EPHA10: variants seen among roughly 807,000 people sequenced by gnomAD.
The protein encoded by EPHA10 is EPH receptor A10, also known as ephrin type-A receptor 10.
EPHA10 carries 120 observed loss-of-function variants against 109.7 expected under a neutral mutation model. The observed-to-expected ratio is 1.09, with a 90% confidence interval of 0.94 to 1.27. The LOEUF (loss-of-function observed/expected upper bound fraction) is 1.27, where lower values mean the gene tolerates loss of function less well. Ranked by LOEUF, EPHA10 falls within the 50% of genes most tolerant of loss-of-function variation. The pLI, the probability that EPHA10 is intolerant of heterozygous loss-of-function variation, is 0.00. For missense variants in EPHA10, 1,396 were observed against 1,411.1 expected, an observed-to-expected ratio of 0.99 and a Z score of 0.17; for synonymous variants, 640 against 618.9, an observed-to-expected ratio of 1.03 and a Z score of -0.51.
At chr1:37,746,656 T>C (rs560169036) in intron 5 of EPHA10, among the ~76,000 whole-genome samples, 1 of 152,294 alleles carries the variant, frequency 6.6e-6, no homozygotes, top group Admixed American at 6.5e-5. Flanking sequence ...TAATGTATTA[T>C]GAATACATTA....
Position 37,761,873 on chromosome 1 carries a change from C to T in EPHA10, c.382G>A (p.Val128Ile), listed in dbSNP as rs776072652. 16 of 1,611,840 alleles carry T rather than the reference C, an allele frequency of 9.9e-6. No homozygotes were observed. Among genetic ancestry groups the T allele is most frequent in the South Asian group, 1.1e-5 (1 of 90,802 alleles). The stretch of plus-strand genomic sequence containing the variant: ...TCGGCCTCAGTTTCCAGGTAGTAGA[C>T]GTTGAAGGTCTCCTTGCAGGTACCC... ...AAGTCKETFN[V>I]YYLETEADLG... The change falls in exon 3 of 17, where the codon GTC (valine) becomes ATC (isoleucine). Residue 128 changes from valine to isoleucine, a missense_variant. By Grantham distance (29) the Val-to-Ile change is conservative. Coordinates refer to ENST00000373048, the MANE Select transcript of EPHA10 (RefSeq NM_001099439.2).
Position 37,753,005 on chromosome 1 carries a change from C to T in EPHA10, c.1228G>A (p.Ala410Thr). Residue 410 changes from alanine to threonine, a missense_variant, in exon 5 of 17, where the codon GCC becomes ACC. Transcript: ENST00000373048. ...CCGGGCCGCAGGTGCAGCAGCGTGGCGGCTCGCTCCCGCAGCCCTGCCTGG... is the reference window on the plus strand; with the variant it reads ...CCGGGCCGCAGGTGCAGCAGCGTGGTGGCTCGCTCCCGCAGCCCTGCCTGG... ...PRQAGLRERA[A>T]TLLHLRPGAR... 2 of 1,230,436 alleles carry T rather than the reference C, an allele frequency of 1.6e-6. No homozygotes were observed. Among genetic ancestry groups the T allele is most frequent in the Non-Finnish European group, 1.0e-6 (1 of 987,368 alleles). 76.2% of individuals were successfully genotyped at this position (1,230,436 alleles called of 1,614,324 possible).
chr1:37,747,137 T>A (rs910359770), intron 5 of EPHA10, among the ~76,000 whole-genome samples: 1 of 152,196 alleles, frequency 6.6e-6, no homozygotes, highest in Non-Finnish European at 1.5e-5. Flanking sequence ...CTTATAATAC[T>A]AACAATGTGA....
rs1004713879 is a variant in EPHA10, at chr1:37,720,655, C to T, written c.2209-101G>A. 2.6e-6 allele frequency: 4 copies of T among 1,533,322 alleles called. No individual in the cohort carries two copies. In the Admixed American group the frequency reaches 7.4e-5, roughly 28 times the overall value. The allele number at this position is 1,533,322 out of a possible 1,614,324, so 95.0% of individuals were successfully genotyped here. Reference sequence around the variant, plus strand: ...TAGCTCTCGCCAGGCTTTAGTTCACCCTGTGACCACAGGTCAGCCCGGCCA... The same window carrying T: ...TAGCTCTCGCCAGGCTTTAGTTCACTCTGTGACCACAGGTCAGCCCGGCCA... On this transcript the variant is annotated intron_variant, in intron 12 of 16. Transcript: ENST00000373048.
intron 5 of EPHA10, among the ~76,000 whole-genome samples, chr1:37,746,663 A>G (rs1646246746): frequency 6.6e-6 from 1 of 152,232 alleles, no homozygotes; most frequent in African/African-American, 2.4e-5. Flanking sequence ...TTATGAATAC[A>G]TTAATATTCA....
At chr1:37,761,298 C>T (rs1292462969) in intron 3 of EPHA10, 107 bp downstream of exon 3, 3 of 1,541,396 alleles carry the variant, frequency 1.9e-6, no homozygotes. Flanking sequence ...AAGGCTTCTC[C>T]ACCGCCCCCC....
intron 7 of EPHA10, among the ~76,000 whole-genome samples, chr1:37,731,053 T>C (rs1645973948): frequency 6.6e-6 from 1 of 152,152 alleles, no homozygotes; most frequent in Non-Finnish European, 1.5e-5. Context: ...CAACCTTCAG[T>C]GAAGTCAGCA....
chr1:37,724,907 C>T (rs1489400237), intron 8 of EPHA10, among the ~76,000 whole-genome samples: 1 of 152,146 alleles, frequency 6.6e-6, no homozygotes, highest in Non-Finnish European at 1.5e-5. Flanking sequence ...TGTCAGCTTA[C>T]CAAGCCTCCA....
intron 7 of EPHA10, among the ~76,000 whole-genome samples, chr1:37,730,779 C>T (rs1645969119): frequency 6.6e-6 from 1 of 152,056 alleles, no homozygotes. Context: ...GCAACCTCTG[C>T]CTCCCGGTTT....
chr1:37,746,256 A>G (rs1311818261), intron 5 of EPHA10, among the ~76,000 whole-genome samples: 1 of 151,952 alleles, frequency 6.6e-6, no homozygotes, highest in African/African-American at 2.4e-5. Context: ...ATGCACCACC[A>G]TGCCCAGCTA....
At position 37,723,105 on chromosome 1, in the gene EPHA10, A is replaced by G; in HGVS notation, c.1896T>C (p.Ala632=). The G allele has an allele frequency of 6.2e-7, 1 of 1,614,220 alleles. No homozygotes were observed. The highest frequency in any genetic ancestry group is 8.5e-7 in the Non-Finnish European group (1 of 1,180,042). Residue 632 remains alanine (A), a synonymous_variant, in exon 10 of 17, where the codon GCT becomes GCC. Coordinates refer to ENST00000373048, the MANE Select transcript of EPHA10 (RefSeq NM_001099439.2). Reference sequence around the variant, plus strand: ...CCAGTTCCTTGGCGAACAGATGCACAGCCTGCAGCAGGTCCCCACAGCTCT... The same window carrying G: ...CCAGTTCCTTGGCGAACAGATGCACGGCCTGCAGCAGGTCCCCACAGCTCT... The part of the protein sequence containing the change: ...DPQSCGDLLQ[A]VHLFAKELDA...
chr1:37,735,404 A>T lies in EPHA10; in HGVS notation c.1358-14T>A. 6.3e-7 allele frequency: 1 copy of T among 1,578,022 alleles called. No individual in the cohort carries two copies. The highest frequency in any genetic ancestry group is 8.6e-7 in the Non-Finnish European group (1 of 1,161,806). On this transcript the variant is annotated splice_polypyrimidine_tract_variant and intron_variant, in intron 5 of 16. Transcript: ENST00000373048. ...CCTCCCAGGGCGCTGAAAGTAAGTT[A>T]CGTGGGATTCTCCACCTTGACCCAC...
At chr1:37,734,538 A>G (rs971226850) in intron 6 of EPHA10, 5 of 393,236 alleles carry the variant, frequency 1.3e-5, no homozygotes, top group African/African-American at 1.1e-4. Flanking sequence ...CTGTCTCAAA[A>G]TAAATAAATA....
chr1:37,760,962 T>A (rs1462002294), intron 3 of EPHA10: 1 of 214,832 alleles, frequency 4.7e-6, no homozygotes, highest in Non-Finnish European at 9.1e-6. Flanking sequence ...TGCACGCCTA[T>A]AATCCCAGCT....
In EPHA10 at chr1:37,716,182, A is replaced by G. The variant is rs1569601057; in HGVS notation, c.*2190T>C. On this transcript the variant is annotated 3_prime_UTR_variant, in exon 17 of 17. Coordinates refer to ENST00000373048, the MANE Select transcript of EPHA10 (RefSeq NM_001099439.2). ...TCCCAGAGAGCCATCGCCCCACATC[A>G]CATCTGTGCAGGGCTGAGGCCTGGG... 2 of 413,262 alleles carry G rather than the reference A, an allele frequency of 4.8e-6. No individual in the cohort carries two copies. Among genetic ancestry groups the G allele is most frequent in the East Asian group, 8.7e-5 (2 of 22,908 alleles). 25.6% of individuals were successfully genotyped at this position (413,262 alleles called of 1,614,324 possible).
chr1:37,761,286 C>T (rs760160006), intron 3 of EPHA10, 119 bp downstream of exon 3: 3 of 1,536,744 alleles, frequency 2.0e-6, no homozygotes, highest in Admixed American at 3.8e-5. Flanking sequence ...GCTCCAGAGT[C>T]CAAGGCTTCT....
chr1:37,753,210 C>A lies in EPHA10; in HGVS notation c.1023G>T (p.Pro341=). The A allele has an allele frequency of 8.2e-7, 1 of 1,223,532 alleles. No homozygotes were observed. 75.8% of individuals were successfully genotyped at this position (1,223,532 alleles called of 1,614,324 possible). A position where few individuals can be genotyped will look rare whatever the true frequency, so the allele number is the denominator to read the frequency against. The change falls in exon 5 of 17, where the codon CCG becomes CCT. Residue 341 remains proline, a synonymous_variant. Transcript: ENST00000373048. ...SASCTRPPSA[P]RDLQYSLSRS... is the part of the protein sequence containing the mutation. ...GGCTCAGGCTGTACTGCAGGTCCCG[C>A]GGCGCCGACGGCGGCCCTGAGGCGG...
At chr1:37,715,891 AC>A (rs750787873), downstream of EPHA10, 2 of 559,568 alleles carry the variant, frequency 3.6e-6, no homozygotes, top group South Asian at 1.4e-5. Flanking sequence ...GATTCTGGAC[AC>A]CCCTGTCCTC....
chr1:37,755,731 A>G (rs1646388064), intron 3 of EPHA10, among the ~76,000 whole-genome samples: 1 of 152,146 alleles, frequency 6.6e-6, no homozygotes, highest in Admixed American at 6.5e-5. Context: ...CACAATAATG[A>G]TAGTAATTAC....
Sources: gnomAD v4.1 joint callset for allele counts (sites outside exome capture counted in the v4.1 genomes callset) on GRCh38, gnomAD v4.1.1 for gene constraint, MANE v1.5 for transcripts, NCBI Gene and HGNC (gene_info 2026-07-23, HGNC 2026-07-21) for gene names.